KIZ: variants seen among roughly 807,000 people sequenced by gnomAD.
KIZ encodes the protein centrosomal protein kizuna.
A neutral mutation model predicts 79.6 loss-of-function variants in KIZ; 68 were observed. The observed-to-expected ratio is 0.85, with a 90% CI of 0.70 to 1.05. The LOEUF is 1.05. KIZ is among the 50% of genes least tolerant of loss of function. The probability of loss-of-function intolerance (pLI) is 0.00; values close to 1 mark genes in which losing one functional copy is unlikely to be tolerated. For missense variants in KIZ, 797 were observed against 800.4 expected (o/e 1.00, Z 0.05); for synonymous variants, 280 against 281.8 (o/e 0.99, Z 0.06).
chr20:21,178,876 A>T (rs999300160), intron 6 of KIZ, among the ~76,000 whole-genome samples: 1 of 152,068 alleles, frequency 6.6e-6, no homozygotes, highest in Non-Finnish European at 1.5e-5. Context: ...TATCACATTG[A>T]TTTTTATATG....
At position 21,163,095 on chromosome 20, in the gene KIZ, A is replaced by G. The variant is rs749125236; in HGVS notation, c.1288A>G (p.Ile430Val). 12 of 1,613,806 alleles carry G rather than the reference A, an allele frequency of 7.4e-6. No homozygotes were observed. Among genetic ancestry groups the G allele is most frequent in the Admixed American group, 3.3e-5 (2 of 60,002 alleles). ...RVALSTEKNC[I>V]LQTLSSPDSE... ...TGCCCTATCCACTGAAAAAAATTGTATTTTGCAAACCCTAAGCTCTCCTGA... is the reference window on the plus strand; with the variant it reads ...TGCCCTATCCACTGAAAAAAATTGTGTTTTGCAAACCCTAAGCTCTCCTGA... Residue 430 changes from isoleucine to valine, a missense_variant, in exon 6 of 13, where the codon ATT becomes GTT. Physicochemically the swap from Ile to Val is conservative, Grantham distance 29. Coordinates refer to ENST00000619189, the MANE Select transcript of KIZ (RefSeq NM_018474.6).
intron 4 of KIZ, among the ~76,000 whole-genome samples, 159 bp from the exon 5 acceptor site, chr20:21,161,712 T>C (rs6047279): frequency 0.58 from 87,971 of 151,804 alleles, 27,104 homozygotes; most frequent in South Asian, 0.78. Flanking sequence ...TTTTTGCTCA[T>C]TCATTATGTA....
intron 4 of KIZ, among the ~76,000 whole-genome samples, chr20:21,156,683 A>T (rs781241242): frequency 1.3e-5 from 2 of 152,206 alleles, no homozygotes; most frequent in Non-Finnish European, 2.9e-5. Flanking sequence ...TCTGATTCTG[A>T]TCATGAACTG....
intron 7 of KIZ, among the ~76,000 whole-genome samples, chr20:21,212,914 A>G (rs1027241028): frequency 1.3e-5 from 2 of 152,202 alleles, no homozygotes; most frequent in Non-Finnish European, 2.9e-5. Context: ...GGGAATACTG[A>G]GCAAGTCATC....
chr20:21,150,298 A>G (rs1006013019), intron 4 of KIZ, among the ~76,000 whole-genome samples: 2 of 152,232 alleles, frequency 1.3e-5, no homozygotes, highest in East Asian at 1.9e-4. Flanking sequence ...GCTAAGGGAA[A>G]TAACAGTGGG....
chr20:21,242,681 G>C (rs960904361), intron 11 of KIZ, among the ~76,000 whole-genome samples: 1 of 152,052 alleles, frequency 6.6e-6, no homozygotes, highest in Non-Finnish European at 1.5e-5. Flanking sequence ...GCTGAGACGG[G>C]AGGAGCTGAG....
Position 21,155,441 on chromosome 20 carries a change from CCACTTA to C in KIZ, c.406-6427_406-6422del, listed in dbSNP as rs561439434. On this transcript the variant is annotated intron_variant, in intron 4 of 12. Transcript: ENST00000619189. ...AAAAAAGACAACATATTATACGATT[CCACTTA>C]CATATTCATAAAATGTGCAGAATAA... Among the ~76,000 whole-genome samples the C allele has an allele frequency of 3.3e-5, 5 of 152,200 alleles. No homozygotes were observed. The South Asian group carries it at 1.0e-3, about 32-fold the overall frequency.
chr20:21,159,696 T>C (rs1431504090), intron 4 of KIZ, among the ~76,000 whole-genome samples: 2 of 152,246 alleles, frequency 1.3e-5, no homozygotes, highest in Non-Finnish European at 2.9e-5. Flanking sequence ...GTATCAGTAA[T>C]TCATCTCTTT....
chr20:21,149,251 C>G (rs371162322), intron 4 of KIZ, among the ~76,000 whole-genome samples: 13 of 152,290 alleles, frequency 8.5e-5, no homozygotes, highest in African/African-American at 3.1e-4. Context: ...GTATGGGTAG[C>G]TCTTCAAAAG....
intron 6 of KIZ, among the ~76,000 whole-genome samples, chr20:21,164,635 AAAT>A (rs1419606318): frequency 6.6e-6 from 1 of 152,124 alleles, no homozygotes; most frequent in African/African-American, 2.4e-5. Context: ...GAGGTGAAAA[AAAT>A]TGAGTATGTG....
intron 11 of KIZ, among the ~76,000 whole-genome samples, chr20:21,237,860 C>T (rs1484112621): frequency 2.0e-5 from 3 of 152,212 alleles, no homozygotes; most frequent in East Asian, 1.9e-4. Context: ...GACAGGGTCT[C>T]GCTCTGTCAC....
chr20:21,219,725 C>T (rs924103942), intron 9 of KIZ, among the ~76,000 whole-genome samples: 21 of 152,204 alleles, frequency 1.4e-4, no homozygotes, highest in African/African-American at 4.6e-4. Flanking sequence ...TAATGGAATC[C>T]AGTGTGCCAG....
intron 2 of KIZ, 69 bp from the exon 3 acceptor site, chr20:21,136,321 A>AAGAAAATTCCCTTTCTTAGATTCGTCC (rs2032184900): frequency 1.1e-6 from 1 of 928,812 alleles, no homozygotes; most frequent in Non-Finnish European, 1.6e-6. Flanking sequence ...AATTTTGATG[A>AAGAAAATTCCCTTTCTTAGATTCGTCC]AGAAAATTCC....
intron 1 of KIZ, 23 bp from the exon 2 acceptor site, chr20:21,132,074 T>C: frequency 1.0e-6 from 1 of 979,534 alleles, no homozygotes; most frequent in African/African-American, 1.6e-5. Flanking sequence ...ATGTAATTAC[T>C]TATAAAATGT....
At position 21,163,048 on chromosome 20, in the gene KIZ, T is replaced by C. The variant is rs1233836200; in HGVS notation, c.1241T>C (p.Ile414Thr). ...GATGGAATAGAGGCCTTAAAATTAA[T>C]CCATGCTGAGCAAGAAAGAGTTGCC... ...GEDGIEALKL[I>T]HAEQERVALS... Residue 414 changes from isoleucine (I) to threonine (T), a missense_variant, in exon 6 of 13, where the codon ATC (isoleucine) becomes ACC (threonine). Transcript: ENST00000619189. The C allele has an allele frequency of 6.2e-7, 1 of 1,613,722 alleles. No homozygotes were observed. The highest frequency in any genetic ancestry group is 8.5e-7 in the Non-Finnish European group (1 of 1,179,756).
Position 21,154,332 on chromosome 20 carries a change from A to G in KIZ, c.406-7539A>G, listed in dbSNP as rs971291197. 2.0e-5 allele frequency: 3 copies of G among 152,340 alleles called. No homozygotes were observed. The East Asian group carries it at 5.8e-4, about 29-fold the overall frequency. 9.4% of individuals were successfully genotyped at this position (152,340 alleles called of 1,614,324 possible). On this transcript the variant is annotated intron_variant, in intron 4 of 12. Coordinates refer to ENST00000619189, the MANE Select transcript of KIZ (RefSeq NM_018474.6). ...TGTAGTTCATAATGATTAAGACATC[A>G]TTACAGTTCTAAACTTGTTGATCTC...
chr20:21,232,290 G>T (rs573012198), intron 10 of KIZ, among the ~76,000 whole-genome samples: 1 of 152,282 alleles, frequency 6.6e-6, no homozygotes, highest in East Asian at 1.9e-4. Context: ...CTCCTCTGTG[G>T]GATGGAAAAT....
chr20:21,243,650 G>T (rs760806728), intron 11 of KIZ, among the ~76,000 whole-genome samples: 1 of 152,188 alleles, frequency 6.6e-6, no homozygotes, highest in Non-Finnish European at 1.5e-5. Context: ...ATCCCGTGGA[G>T]CCAGTTTTCT....
intron 6 of KIZ, among the ~76,000 whole-genome samples, chr20:21,188,930 G>T (rs572150006): frequency 2.0e-5 from 3 of 151,926 alleles, no homozygotes; most frequent in African/African-American, 7.2e-5. Flanking sequence ...GGATGGTCTC[G>T]ATCTCCTGAC....
Sources: gnomAD v4.1 joint callset for allele counts (sites outside exome capture counted in the v4.1 genomes callset) on GRCh38, gnomAD v4.1.1 for gene constraint, MANE v1.5 for transcripts, NCBI Gene and HGNC (gene_info 2026-07-23, HGNC 2026-07-21) for gene names.